The following TNR variants were observed in gnomAD, a reference collection of about 807,000 sequenced individuals.
TNR encodes the protein tenascin-R.
In TNR, 45 loss-of-function variants were observed where a neutral mutation model predicts 150.4. The observed-to-expected ratio is 0.30, with a 90% CI of 0.24 to 0.38. The LOEUF is 0.38. Ranked by LOEUF, TNR falls within the 10% of genes least tolerant of loss-of-function variation. The pLI, the probability that TNR is intolerant of heterozygous loss-of-function variation, is 1.00. For synonymous variants in TNR, 687 were observed against 678.4 expected (o/e 1.01, Z -0.20); for missense variants, 1,544 against 1,759.1 (o/e 0.88, Z 2.19).
chr1:175,736,445 C>T (rs374239329), intron 1 of TNR, among the ~76,000 whole-genome samples: 4 of 151,884 alleles, frequency 2.6e-5, no homozygotes, highest in East Asian at 1.9e-4. Context: ...GGCGTGAACC[C>T]GGGAGGCAGA....
intron 6 of TNR, among the ~76,000 whole-genome samples, chr1:175,391,891 C>T (rs981822043): frequency 6.6e-6 from 1 of 152,218 alleles, no homozygotes; most frequent in African/African-American, 2.4e-5. Flanking sequence ...ACACACACAA[C>T]ACATTTCAAA....
At chr1:175,685,618 G>A (rs1666171628) in intron 1 of TNR, among the ~76,000 whole-genome samples, 1 of 152,088 alleles carries the variant, frequency 6.6e-6, no homozygotes, top group Admixed American at 6.5e-5. Flanking sequence ...GGTTCAATTT[G>A]TCGCCTTTAA....
At chr1:175,679,076 C>A (rs899866519) in intron 1 of TNR, among the ~76,000 whole-genome samples, 2 of 152,202 alleles carry the variant, frequency 1.3e-5, no homozygotes, top group African/African-American at 4.8e-5. Context: ...TTCTGACTTG[C>A]GGGAGGGCTT....
intron 1 of TNR, among the ~76,000 whole-genome samples, chr1:175,633,776 C>T (rs1233140387): frequency 6.6e-6 from 1 of 152,062 alleles, no homozygotes; most frequent in African/African-American, 2.4e-5. Flanking sequence ...AATCCGCTGA[C>T]ATTTTTGTCT....
At position 175,428,721 on chromosome 1, in the gene TNR, T is replaced by C. The variant is rs142510441; in HGVS notation, c.-63-21944A>G. The stretch of plus-strand genomic sequence containing the variant: ...GGTTGAATTCTGACTCAAATACAAA[T>C]CTCTTTAGTTTGAATTTCAAGCTTT... On this transcript the variant is annotated intron_variant, in intron 2 of 22. Coordinates refer to ENST00000367674, the MANE Select transcript of TNR (RefSeq NM_003285.3). Among the ~76,000 whole-genome samples the C allele has an allele frequency of 2.6e-4, 40 of 152,294 alleles. No homozygotes were observed. The East Asian group carries it at 7.5e-3, about 29-fold the overall frequency.
At chr1:175,513,588 G>A (rs1435709920) in intron 2 of TNR, among the ~76,000 whole-genome samples, 1 of 152,158 alleles carries the variant, frequency 6.6e-6, no homozygotes, top group Non-Finnish European at 1.5e-5. Context: ...AATGTTATAG[G>A]TGCAGGCAAA....
At chr1:175,480,896 T>A (rs1657779076) in intron 2 of TNR, among the ~76,000 whole-genome samples, 1 of 152,198 alleles carries the variant, frequency 6.6e-6, no homozygotes, top group South Asian at 2.1e-4. Context: ...TCACTTCTTA[T>A]CCCTTTTATT....
chr1:175,559,976 G>A (rs961630224), intron 1 of TNR, among the ~76,000 whole-genome samples: 4 of 152,210 alleles, frequency 2.6e-5, no homozygotes, highest in African/African-American at 9.6e-5. Context: ...TGAGATGATT[G>A]CCTCTTTTGT....
At chr1:175,534,015 C>T (rs973583746) in intron 1 of TNR, among the ~76,000 whole-genome samples, 2 of 152,172 alleles carry the variant, frequency 1.3e-5, no homozygotes, top group African/African-American at 4.8e-5. Context: ...AAGGTCTGAA[C>T]TGAAGAAGAG....
At chr1:175,590,693 G>A (rs1476923579) in intron 1 of TNR, among the ~76,000 whole-genome samples, 4 of 152,256 alleles carry the variant, frequency 2.6e-5, no homozygotes, top group Non-Finnish European at 5.9e-5. Flanking sequence ...TAGGCCAAAG[G>A]ACAGCGTGGG....
intron 20 of TNR, among the ~76,000 whole-genome samples, chr1:175,334,205 T>C (rs752724281): frequency 1.4e-4 from 21 of 152,210 alleles, no homozygotes; most frequent in Admixed American, 2.6e-4. Flanking sequence ...AAATCTAACA[T>C]GGCTGATTCC....
At chr1:175,643,463 C>T (rs1664724123) in intron 1 of TNR, among the ~76,000 whole-genome samples, 1 of 152,190 alleles carries the variant, frequency 6.6e-6, no homozygotes, top group Non-Finnish European at 1.5e-5. Context: ...GCCTGTTCAT[C>T]CACCTCATAG....
At chr1:175,425,578 A>G (rs1481172199) in intron 2 of TNR, among the ~76,000 whole-genome samples, 8 of 152,172 alleles carry the variant, frequency 5.3e-5, no homozygotes, top group African/African-American at 1.4e-4. Flanking sequence ...ATAAAAATCT[A>G]TGATGTCAGT....
chr1:175,457,378 A>G (rs1656613996), intron 2 of TNR, among the ~76,000 whole-genome samples: 1 of 152,258 alleles, frequency 6.6e-6, no homozygotes, highest in Admixed American at 6.5e-5. Context: ...GGCTACAGCC[A>G]TCAGGCCACA....
At chr1:175,540,602 C>T (rs1332138529) in intron 1 of TNR, among the ~76,000 whole-genome samples, 1 of 152,162 alleles carries the variant, frequency 6.6e-6, no homozygotes, top group Non-Finnish European at 1.5e-5. Flanking sequence ...TACCCCAGCT[C>T]ATCTTTGAAA....
intron 1 of TNR, among the ~76,000 whole-genome samples, chr1:175,652,605 A>G (rs932388852): frequency 5.3e-5 from 8 of 152,144 alleles, no homozygotes; most frequent in Non-Finnish European, 1.2e-4. Flanking sequence ...GTGAATTTTC[A>G]TGAGATCTGG....
chr1:175,640,775 A>ATG (rs147075678), intron 1 of TNR, among the ~76,000 whole-genome samples: 10 of 150,794 alleles, frequency 6.6e-5, no homozygotes, highest in South Asian at 4.2e-4. Context: ...AAATATATAT[A>ATG]TGTGTGTGTG....
intron 2 of TNR, among the ~76,000 whole-genome samples, chr1:175,422,188 A>C (rs183251200): frequency 2.1e-3 from 322 of 152,254 alleles, no homozygotes; most frequent in Non-Finnish European, 3.3e-3. Context: ...TTCTTATAAG[A>C]ATTTGTGACA....
intron 3 of TNR, among the ~76,000 whole-genome samples, chr1:175,403,936 G>T (rs972360670): frequency 2.0e-5 from 3 of 152,136 alleles, no homozygotes; most frequent in Non-Finnish European, 4.4e-5. Flanking sequence ...GTGATTTATT[G>T]GAAGGTGTTC....
Sources: gnomAD v4.1 joint callset for allele counts (sites outside exome capture counted in the v4.1 genomes callset) on GRCh38, gnomAD v4.1.1 for gene constraint, MANE v1.5 for transcripts, NCBI Gene and HGNC (gene_info 2026-07-23, HGNC 2026-07-21) for gene names.